The following COL18A1 variants were observed in gnomAD, a reference collection of about 807,000 sequenced individuals.
COL18A1 encodes the protein collagen alpha-1(XVIII) chain.
Under a neutral mutation model 168.0 loss-of-function variants are expected in COL18A1, and 133 were observed. The ratio of observed to expected loss-of-function variants is 0.79; its 90% CI spans 0.69 to 0.91. The LOEUF is 0.91. Among genes scored for constraint, COL18A1 ranks in the 40% least tolerant of loss-of-function variants. The probability of loss-of-function intolerance (pLI) is 0.00; values close to 1 mark genes in which losing one functional copy is unlikely to be tolerated. For missense variants in COL18A1, 2,126 were observed against 1,925.4 expected, an observed-to-expected ratio of 1.10 and a Z score of -1.95; for synonymous variants, 949 against 809.0, an observed-to-expected ratio of 1.17 and a Z score of -2.94.
intron 3 of COL18A1, among the ~76,000 whole-genome samples, chr21:45,468,993 G>A (rs2035316990): frequency 6.6e-6 from 1 of 152,224 alleles, no homozygotes; most frequent in Non-Finnish European, 1.5e-5. Flanking sequence ...TTCTTGGCCG[G>A]CCTGGCTGGG....
At position 45,494,909 on chromosome 21, in the gene COL18A1, A is replaced by G; in HGVS notation, c.2427A>G (p.Gly809=). Reference sequence around the variant, plus strand: ...ACAAGGGAGAGATTGGCTTTCCTGGACGGCCGGTGAGGACCTGGGGTCTCC... The same window carrying G: ...ACAAGGGAGAGATTGGCTTTCCTGGGCGGCCGGTGAGGACCTGGGGTCTCC... ...PGYKGEIGFP[G]RPGRPGMNGL... is the part of the protein sequence containing the mutation. The change falls in exon 28 of 42, where the codon GGA becomes GGG. Residue 809 remains glycine, a synonymous_variant. Coordinates refer to ENST00000651438, the MANE Select transcript of COL18A1 (RefSeq NM_001379500.1). 1.9e-6 allele frequency: 3 copies of G among 1,610,478 alleles called. No individual in the cohort carries two copies. The highest frequency in any genetic ancestry group is 2.5e-6 in the Non-Finnish European group (3 of 1,178,884).
Position 45,423,450 on chromosome 21 carries a change from C to A in COL18A1, c.106+17977C>A, listed in dbSNP as rs1269395688. Among the ~76,000 whole-genome samples the A allele has an allele frequency of 6.6e-6, 1 of 152,172 alleles. No individual in the cohort carries two copies. The highest frequency in any genetic ancestry group is 2.4e-5 in the African/African-American group (1 of 41,440). On this transcript the variant is annotated intron_variant, in intron 2 of 41. Transcript: ENST00000651438. This position sits in a 1 kb window ranked among gnomAD's most constrained non-coding sequence, Gnocchi z 4.0. ...ACAAGCACCTCGGACGGCAGCAGGACCCTCCCAAAGCTGTGTCCACACACA... is the reference window on the plus strand; with the variant it reads ...ACAAGCACCTCGGACGGCAGCAGGAACCTCCCAAAGCTGTGTCCACACACA...
chr21:45,415,741 G>T (rs748502263), intron 2 of COL18A1, among the ~76,000 whole-genome samples: 5 of 152,226 alleles, frequency 3.3e-5, no homozygotes, highest in Non-Finnish European at 7.4e-5. Context: ...AGGCAAAGGC[G>T]CAGAAGCACT....
rs766692112 is a variant in COL18A1, at chr21:45,512,218, C to A, written c.3840C>A (p.Asp1280Glu). The part of the protein sequence containing the change: ...WPQKSVWHGS[D>E]PNGRRLTESY... ...AGAAGAGCGTGTGGCATGGCTCGGA[C>A]CCCAACGGGCGCAGGCTGACCGAGA... Residue 1280 changes from aspartate to glutamate, a missense_variant, in exon 42 of 42, where the codon GAC (aspartate) becomes GAA (glutamate). Coordinates refer to ENST00000651438, the MANE Select transcript of COL18A1 (RefSeq NM_001379500.1). 3 of 1,612,392 alleles carry A rather than the reference C, an allele frequency of 1.9e-6. No homozygotes were observed. Among genetic ancestry groups the A allele is most frequent in the Non-Finnish European group, 2.5e-6 (3 of 1,179,736 alleles).
intron 2 of COL18A1, chr21:45,456,120 C>T (rs1199855851): frequency 1.3e-6 from 2 of 1,586,494 alleles, no homozygotes; most frequent in South Asian, 2.3e-5. Context: ...TCGCCTCCCT[C>T]CCTGGGCAGG....
chr21:45,480,833 G>T lies in COL18A1; in HGVS notation c.1586G>T (p.Gly529Val), dbSNP rs1362428602. 2 of 1,611,396 alleles carry T rather than the reference G, an allele frequency of 1.2e-6. No individual in the cohort carries two copies. The highest frequency in any genetic ancestry group is 8.5e-7 in the Non-Finnish European group (1 of 1,179,522). Residue 529 changes from glycine to valine, a missense_variant, in exon 13 of 42, where the codon GGT becomes GTT. Physicochemically the swap from Gly to Val is moderately radical, Grantham distance 109. Coordinates refer to ENST00000651438, the MANE Select transcript of COL18A1 (RefSeq NM_001379500.1). ...AGLPGVPGRE[G>V]PPGFPGLPGP... ...CTTCCTGGTGTGCCTGGGCGCGAGG[G>T]TCCCCCCGGGTTTCCTGGCCTCCCG...
chr21:45,446,574 A>G (rs2034509743), intron 2 of COL18A1, among the ~76,000 whole-genome samples: 1 of 152,270 alleles, frequency 6.6e-6, no homozygotes, highest in South Asian at 2.1e-4. Flanking sequence ...TCTACCAAGC[A>G]TTTAAAGAAT....
Position 45,513,460 on chromosome 21 carries a change from CGCCCTGCGGGTGAACAAAGCA to C in COL18A1, c.*1066_*1086del. ...GGGGAACCCCGGGGTGCCCACAGGC[CGCCCTGCGGGTGAACAAAGCA>C]GCCACGAGGTGCAACAAGGTCCTCT... On this transcript the variant is annotated 3_prime_UTR_variant, in exon 42 of 42. Coordinates refer to ENST00000651438, the MANE Select transcript of COL18A1 (RefSeq NM_001379500.1). 6.6e-6 allele frequency: 1 copy of C among 152,360 alleles called. No individual in the cohort carries two copies. Among genetic ancestry groups the C allele is most frequent in the South Asian group, 2.1e-4 (1 of 4,830 alleles). The allele number at this position is 152,360 out of a possible 1,614,324, so 9.4% of individuals were successfully genotyped here. A position where few individuals can be genotyped will look rare whatever the true frequency, so the allele number is the denominator to read the frequency against.
chr21:45,492,904 C>T (rs753587820), intron 24 of COL18A1, among the ~76,000 whole-genome samples, 191 bp downstream of exon 24: 1 of 152,200 alleles, frequency 6.6e-6, no homozygotes, highest in Non-Finnish European at 1.5e-5. Context: ...GCTGGGTGGG[C>T]ACCCGTGAGG....
At chr21:45,416,895 T>C (rs2033465577) in intron 2 of COL18A1, among the ~76,000 whole-genome samples, 1 of 151,694 alleles carries the variant, frequency 6.6e-6, no homozygotes, top group Non-Finnish European at 1.5e-5. Context: ...CTCGTCTGAA[T>C]TGCAAGCTGG....
At position 45,474,558 on chromosome 21, in the gene COL18A1, GTC is replaced by G. The variant is rs552919542; in HGVS notation, c.738+579_738+580del. Among the ~76,000 whole-genome samples, 13 of 148,118 alleles carry G rather than the reference GTC, an allele frequency of 8.8e-5. No homozygotes were observed. The East Asian group carries it at 2.3e-3, about 26-fold the overall frequency. On this transcript the variant is annotated intron_variant, in intron 4 of 41. Transcript: ENST00000651438. ...GTCTGCATGGTGCGTGTGTCTCTGT[GTC>G]TGTGTCTGTGTGTTGTGTGGCGTGT...
chr21:45,477,300 C>G, intron 6 of COL18A1, 111 bp from the exon 7 acceptor site: 2 of 806,248 alleles, frequency 2.5e-6, no homozygotes, highest in East Asian at 5.3e-5. Context: ...AGTGTCCAGC[C>G]GGGCTCCAGG....
intron 23 of COL18A1, 57 bp downstream of exon 23, chr21:45,492,621 G>A: frequency 1.2e-6 from 2 of 1,611,382 alleles, no homozygotes; most frequent in South Asian, 2.2e-5. Flanking sequence ...GTACAAGGCT[G>A]GGTGGGGTCC....
rs143519047 is a variant in COL18A1 at position 45,443,863 on chromosome 21, G to C, written c.107-24379G>C. 6.6e-6 allele frequency among the ~76,000 whole-genome samples: 1 copy of C among 152,182 alleles called. No homozygotes were observed. The highest frequency in any genetic ancestry group is 1.5e-5 in the Non-Finnish European group (1 of 68,026). On this transcript the variant is annotated intron_variant, in intron 2 of 41. Transcript: ENST00000651438. The surrounding 1 kb of genome is among the most constrained non-coding windows in gnomAD (Gnocchi z 5.2). ...CATGATCCCCTAGATGCGTCCGAGG[G>C]ACACTGGACATCTGGTGGCCCTCCA... is the stretch of plus-strand genomic sequence containing the variant.
chr21:45,442,682 CGGTGGTGGTGCTGGTGTGGGCGG>C lies in COL18A1; in HGVS notation c.107-25559_107-25537del, dbSNP rs1569291822. 2.3e-4 allele frequency among the ~76,000 whole-genome samples: 19 copies of C among 81,602 alleles called. 8 individuals are homozygous for C. The highest frequency in any genetic ancestry group is 9.8e-4 in the African/African-American group (17 of 17,288). 53.5% of individuals were successfully genotyped at this position (81,602 alleles called of 152,430 possible). ...GTGTGGGCGGCGGTCCTGGTGTGGG[CGGTGGTGGTGCTGGTGTGGGCGG>C]AGGTCCTGGTGTGGGCGGCGGTCCT... On this transcript the variant is annotated intron_variant, in intron 2 of 41. Transcript: ENST00000651438.
intron 2 of COL18A1, among the ~76,000 whole-genome samples, chr21:45,454,421 G>A (rs2034730180): frequency 6.6e-6 from 1 of 152,196 alleles, no homozygotes; most frequent in African/African-American, 2.4e-5. Flanking sequence ...GGGTGACGAG[G>A]GACTCCAGCT....
intron 20 of COL18A1, 44 bp downstream of exon 20, chr21:45,490,390 C>T (rs1260476507): frequency 3.4e-6 from 5 of 1,459,994 alleles, no homozygotes; most frequent in Non-Finnish European, 4.7e-6. Flanking sequence ...GGGCGTGGAG[C>T]CCTGAAGGGA....
In COL18A1 at chr21:45,498,129, CT is replaced by C. The variant is rs965412522; in HGVS notation, c.2683+469del. 5.2e-5 allele frequency: 33 copies of C among 637,868 alleles called. No individual in the cohort carries two copies. Among genetic ancestry groups the C allele is most frequent in the Non-Finnish European group, 9.0e-5 (32 of 354,144 alleles). 39.5% of individuals were successfully genotyped at this position (637,868 alleles called of 1,614,324 possible). ...TCCCCCAAAGGACAAGAATTCCCCC[CT>C]GAGCCCCACCTCCATTGAGGGTGGC... On this transcript the variant is annotated intron_variant, in intron 32 of 41. Transcript: ENST00000651438. The surrounding 1 kb of genome is among the most constrained non-coding windows in gnomAD (Gnocchi z 4.5).
At chr21:45,447,350 T>G (rs116160466) in intron 2 of COL18A1, among the ~76,000 whole-genome samples, 216 of 152,206 alleles carry the variant, frequency 1.4e-3, no homozygotes, top group African/African-American at 5.1e-3. Context: ...ATAAATGAGC[T>G]CAACAAGGTT....
Sources: allele counts gnomAD v4.1 joint callset (sites outside exome capture counted in the v4.1 genomes callset), GRCh38; gene constraint gnomAD v4.1.1; non-coding constraint Gnocchi (gnomAD v3.1); transcripts MANE v1.5; gene names NCBI Gene and HGNC (gene_info 2026-07-23, HGNC 2026-07-21).